Variants in USP47 observed in about 807,000 individuals in gnomAD.
USP47 encodes ubiquitin carboxyl-terminal hydrolase 47.
USP47 carries 35 observed loss-of-function variants against 165.1 expected under a neutral mutation model. The observed-to-expected ratio is 0.21, with a 90% CI of 0.16 to 0.28. The LOEUF is 0.28. USP47 is among the 10% of genes least tolerant of loss of function. The probability of loss-of-function intolerance (pLI) is 1.00; values close to 1 mark genes in which losing one functional copy is unlikely to be tolerated. For synonymous variants in USP47, 531 were observed against 544.5 expected (o/e 0.98, Z 0.35); for missense variants, 1,277 against 1,607.4 (o/e 0.79, Z 3.52).
intron 16 of USP47, 24 bp downstream of exon 16, chr11:11,933,959 A>T: frequency 6.6e-6 from 10 of 1,514,184 alleles, no homozygotes; most frequent in Non-Finnish European, 8.2e-6. Flanking sequence ...CATCATTGGC[A>T]TTTACTTACT....
intron 1 of USP47, among the ~76,000 whole-genome samples, chr11:11,878,287 C>T (rs1850610693): frequency 6.6e-6 from 1 of 152,086 alleles, no homozygotes; most frequent in African/African-American, 2.4e-5. Context: ...TTCCTTTGAC[C>T]ATCAACTCCA....
At chr11:11,849,132 G>A (rs536510409) in intron 1 of USP47, among the ~76,000 whole-genome samples, 1 of 148,216 alleles carries the variant, frequency 6.7e-6, no homozygotes, top group Admixed American at 6.8e-5. Flanking sequence ...TGAACTCCTG[G>A]GCTTAAGCAA....
intron 16 of USP47, 97 bp from the exon 17 acceptor site, chr11:11,936,206 T>C: frequency 1.6e-6 from 1 of 613,474 alleles, no homozygotes; most frequent in Non-Finnish European, 2.2e-6. Flanking sequence ...TGTAATGTTA[T>C]TCCCCAACAG....
At chr11:11,928,967 G>A (rs1854454681) in intron 11 of USP47, among the ~76,000 whole-genome samples, 1 of 151,958 alleles carries the variant, frequency 6.6e-6, no homozygotes, top group Non-Finnish European at 1.5e-5. Flanking sequence ...AGTAGATCAT[G>A]ATATCACAGA....
intron 8 of USP47, among the ~76,000 whole-genome samples, chr11:11,917,260 T>C (rs1398567237): frequency 6.6e-6 from 1 of 152,182 alleles, no homozygotes; most frequent in African/African-American, 2.4e-5. Flanking sequence ...AAGGATTTGA[T>C]AGCCAGGCAA....
intron 8 of USP47, among the ~76,000 whole-genome samples, chr11:11,906,189 T>C (rs1852551990): frequency 6.6e-6 from 1 of 152,188 alleles, no homozygotes; most frequent in African/African-American, 2.4e-5. Context: ...ATTTTATCTA[T>C]ACATATGTGT....
intron 1 of USP47, among the ~76,000 whole-genome samples, chr11:11,860,329 T>C (rs1262352550): frequency 6.6e-6 from 1 of 151,878 alleles, no homozygotes; most frequent in Non-Finnish European, 1.5e-5. Context: ...ATAAGTTAAA[T>C]GATTCGTGTA....
chr11:11,879,687 T>G (rs1850704389), intron 1 of USP47, among the ~76,000 whole-genome samples: 2 of 152,100 alleles, frequency 1.3e-5, no homozygotes, highest in Admixed American at 6.6e-5. Flanking sequence ...TCAGGAGATG[T>G]GGTAGCCTGT....
chr11:11,887,225 A>AT (rs1283604628), intron 3 of USP47, among the ~76,000 whole-genome samples: 1 of 152,154 alleles, frequency 6.6e-6, no homozygotes, highest in Non-Finnish European at 1.5e-5. Context: ...TTTGCACATA[A>AT]TATTACTAAC....
At chr11:11,933,277 A>G (rs1854811915) in intron 15 of USP47, among the ~76,000 whole-genome samples, 161 bp downstream of exon 15, 1 of 152,118 alleles carries the variant, frequency 6.6e-6, no homozygotes, top group African/African-American at 2.4e-5. Flanking sequence ...ATTTGATTTG[A>G]TTTGATGTGT....
intron 8 of USP47, among the ~76,000 whole-genome samples, chr11:11,911,830 A>G (rs1243753327): frequency 6.6e-6 from 1 of 152,118 alleles, no homozygotes; most frequent in South Asian, 2.1e-4. Flanking sequence ...CATTAAATAT[A>G]TACGAGGATA....
At chr11:11,877,800 TC>T (rs1850542115) in intron 1 of USP47, among the ~76,000 whole-genome samples, 1 of 52,490 alleles carries the variant, frequency 1.9e-5, no homozygotes, top group African/African-American at 6.0e-5. Context: ...TCTCTCTCTC[TC>T]TCTCTGTGTG....
At chr11:11,868,457 A>T (rs1018380505) in intron 1 of USP47, among the ~76,000 whole-genome samples, 3 of 152,178 alleles carry the variant, frequency 2.0e-5, no homozygotes, top group African/African-American at 7.2e-5. Flanking sequence ...TCAGGTTGTT[A>T]CATGTATCAA....
rs1309252223 is a variant in USP47, at chr11:11,942,403, C to T, written c.2382C>T (p.Leu794=). 4 of 1,613,360 alleles carry T rather than the reference C, an allele frequency of 2.5e-6. No individual in the cohort carries two copies. The highest frequency in any genetic ancestry group is 2.2e-5 in the East Asian group (1 of 44,872). The change falls in exon 20 of 28, where the codon CTC becomes CTT. Residue 794 remains leucine (L), a synonymous_variant. Transcript: ENST00000527733. The part of the protein sequence containing the change: ...MAFADSHLWK[L]LDRHANTIRL... ...TTGCAGACTCTCATTTATGGAAACT[C>T]CTGGATCGGCATGCAAATACAATCA...
At chr11:11,948,313 G>A in intron 21 of USP47, 165 bp from the exon 22 acceptor site, 1 of 832,336 alleles carries the variant, frequency 1.2e-6, no homozygotes, top group Non-Finnish European at 1.8e-6. Flanking sequence ...AATGTTAGCT[G>A]TGTGTCAGTT....
At chr11:11,929,142 A>G (rs901857212) in intron 11 of USP47, among the ~76,000 whole-genome samples, 2 of 152,016 alleles carry the variant, frequency 1.3e-5, no homozygotes, top group Non-Finnish European at 2.9e-5. Flanking sequence ...GAAATTTTAG[A>G]CTATTATTTA....
At chr11:11,917,035 C>G (rs1403446439) in intron 8 of USP47, among the ~76,000 whole-genome samples, 2 of 151,430 alleles carry the variant, frequency 1.3e-5, no homozygotes, top group Non-Finnish European at 2.9e-5. Context: ...TGCCTGTGGT[C>G]CTAACTATTC....
At chr11:11,864,554 T>A (rs1230436907) in intron 1 of USP47, among the ~76,000 whole-genome samples, 1 of 151,580 alleles carries the variant, frequency 6.6e-6, no homozygotes, top group Non-Finnish European at 1.5e-5. Flanking sequence ...CCCTAACCTC[T>A]GGCAACCACC....
intron 8 of USP47, 51 bp from the exon 9 acceptor site, chr11:11,920,105 T>C: frequency 7.5e-7 from 1 of 1,325,542 alleles, no homozygotes; most frequent in Non-Finnish European, 1.0e-6. Flanking sequence ...CAGGATTTTG[T>C]CATTAATATA....
Sources: gnomAD v4.1 joint callset for allele counts (sites outside exome capture counted in the v4.1 genomes callset) on GRCh38, gnomAD v4.1.1 for gene constraint, MANE v1.5 for transcripts, NCBI Gene and HGNC (gene_info 2026-07-23, HGNC 2026-07-21) for gene names.